Variants in CITED2 observed in about 807,000 individuals in gnomAD.
CITED2 encodes cbp/p300-interacting transactivator 2.
CITED2 carries 2 observed loss-of-function variants against 11.8 expected under a neutral mutation model. The observed-to-expected ratio is 0.17, with a 90% confidence interval of 0.07 to 0.54. The LOEUF (loss-of-function observed/expected upper bound fraction) is 0.54. Among genes scored for constraint, CITED2 ranks in the 20% least tolerant of loss-of-function variants. The pLI, the probability that CITED2 is intolerant of heterozygous loss-of-function variation, is 0.94. For synonymous variants in CITED2, 210 were observed against 153.0 expected (o/e 1.37, Z -2.75); for missense variants, 437 against 390.2 (o/e 1.12, Z -1.01).
In CITED2 at chr6:139,373,343, A is replaced by G; in HGVS notation, c.602T>C (p.Met201Thr). Reference protein sequence around the residue: ...NSGGGSGSGNMPASVAHVPAA... With the variant: ...NSGGGSGSGNTPASVAHVPAA... ...GGGGACGTGGGCCACGGAGGCGGGC[A>G]TGTTGCCGCTGCCGCTGCCGCCGCC... The change falls in exon 2 of 2, where the codon ATG (methionine) becomes ACG (threonine). Residue 201 changes from methionine to threonine, a missense_variant. Around this residue, in one of 3 missense-constraint regions of CITED2, gnomAD observed 396 missense variants for 325.2 expected, o/e 1.22. Transcript: ENST00000367651. 2 of 1,598,326 alleles carry G rather than the reference A, an allele frequency of 1.3e-6. No individual in the cohort carries two copies. The highest frequency in any genetic ancestry group is 1.7e-6 in the Non-Finnish European group (2 of 1,173,524).
chr6:139,374,358 C>A, intron 1 of CITED2, 55 bp downstream of exon 1: 1 of 564,892 alleles, frequency 1.8e-6, no homozygotes. Context: ...GCAAACCCTG[C>A]CCTCGGAGGA....
At position 139,373,801 on chromosome 6, in the gene CITED2, G is replaced by T. The variant is rs1267191292; in HGVS notation, c.144C>A (p.Phe48Leu). 10 of 1,609,786 alleles carry T rather than the reference G, an allele frequency of 6.2e-6. No individual in the cohort carries two copies. In the East Asian group the frequency reaches 1.8e-4, roughly 29 times the overall value. Residue 48 changes from phenylalanine (F) to leucine (L), a missense_variant, in exon 2 of 2, where the codon TTC becomes TTA. By Grantham distance (22) the Phe-to-Leu change is conservative (BLOSUM62 0). Around this residue, in one of 3 missense-constraint regions of CITED2, gnomAD observed 396 missense variants for 325.2 expected, o/e 1.22. Transcript: ENST00000367651. Reference sequence around the variant, plus strand: ...GTATGTGCTCGCCCATTAGGGCGTTGAAGGCGTGCTGGGGCTGCTGCTGCT... The same window carrying T: ...GTATGTGCTCGCCCATTAGGGCGTTTAAGGCGTGCTGGGGCTGCTGCTGCT... ...HHQQQQPQHA[F>L]NALMGEHIHY...
chr6:139,374,240 G>C lies in CITED2; in HGVS notation c.-9+173C>G, dbSNP rs1778330599. 4.3e-6 allele frequency: 6 copies of C among 1,395,080 alleles called. 1 individual carries two copies. In the South Asian group the frequency reaches 7.5e-5, roughly 17 times the overall value. The allele number at this position is 1,395,080 out of a possible 1,614,324, so 86.4% of individuals were successfully genotyped here. A position where few individuals can be genotyped will look rare whatever the true frequency, so the allele number is the denominator to read the frequency against. ...TCCCCGAAGTGGCCTAATAAAGGAA[G>C]TGCCCCGTAGCCCTGCTGCGAACTT... is the stretch of plus-strand genomic sequence containing the variant. On this transcript the variant is annotated intron_variant, in intron 1 of 1. Coordinates refer to ENST00000367651, the MANE Select transcript of CITED2 (RefSeq NM_006079.5).
At position 139,373,294 on chromosome 6, in the gene CITED2, G is replaced by T; in HGVS notation, c.651C>A (p.Val217=). The change falls in exon 2 of 2, where the codon GTC becomes GTA. Residue 217 remains valine, a synonymous_variant. Coordinates refer to ENST00000367651, the MANE Select transcript of CITED2 (RefSeq NM_006079.5). ...CCTCGTCGATGAAATCAGTGTCTAT[G>T]ACATTGGGCGGCAGCATTGCAGCGG... The part of the protein sequence containing the change: ...HVPAAMLPPN[V]IDTDFIDEEV... 1 of 1,613,842 alleles carries T rather than the reference G, an allele frequency of 6.2e-7. No homozygotes were observed. Among genetic ancestry groups the T allele is most frequent in the Non-Finnish European group, 8.5e-7 (1 of 1,180,030 alleles).
Position 139,373,840 on chromosome 6 carries a change from G to C in CITED2, c.105C>G (p.Ser35Arg). The stretch of plus-strand genomic sequence containing the variant: ...GCTGCTGCTGCTGGTGGTGATGGGG[G>C]CTCGGGAACTGCCCCATGCCCATGC... ...AHRMGMGQFPSPHHHQQQQPQ... is the reference protein window; with the variant it reads ...AHRMGMGQFPRPHHHQQQQPQ... The change falls in exon 2 of 2, where the codon AGC (serine) becomes AGG (arginine). Residue 35 changes from serine (S) to arginine (R), a missense_variant. By Grantham distance (110) the Ser-to-Arg change is moderately radical. Transcript: ENST00000367651. 1 of 1,606,146 alleles carries C rather than the reference G, an allele frequency of 6.2e-7. No individual in the cohort carries two copies.
chr6:139,372,638 A>C lies in CITED2; in HGVS notation c.*494T>G, dbSNP rs995042743. The C allele has an allele frequency of 4.9e-6, 1 of 204,276 alleles. No homozygotes were observed. The highest frequency in any genetic ancestry group is 1.0e-5 in the Non-Finnish European group (1 of 97,468). The allele number at this position is 204,276 out of a possible 1,614,324, so 12.7% of individuals were successfully genotyped here. ...ATATTTTAAAAATTAGTCTGTACTC[A>C]AATGCATAGTTAAAAAAATGAAGCG... On this transcript the variant is annotated 3_prime_UTR_variant, in exon 2 of 2. Coordinates refer to ENST00000367651, the MANE Select transcript of CITED2 (RefSeq NM_006079.5).
chr6:139,373,384 CGCGCCGCCGCCCGAGCTGCTGCCA>C lies in CITED2; in HGVS notation c.537_560del (p.Ser183_Ser190del), dbSNP rs1778295562. 1.3e-6 allele frequency: 2 copies of C among 1,572,654 alleles called. No homozygotes were observed. Among genetic ancestry groups the C allele is most frequent in the South Asian group, 1.1e-5 (1 of 87,020 alleles). ...TGCCGCCGCCGCTGTTGCTGCTGCC[CGCGCCGCCGCCCGAGCTGCTGCCA>C]GAGCCGCCGGGGGTGCTGCTGCCGC... On this transcript the variant is annotated inframe_deletion, in exon 2 of 2. Transcript: ENST00000367651.
rs750349164 is a variant in CITED2, at chr6:139,373,396, C to G, written c.549G>C (p.Ser183=). 2 of 1,565,134 alleles carry G rather than the reference C, an allele frequency of 1.3e-6. No homozygotes were observed. The highest frequency in any genetic ancestry group is 1.7e-6 in the Non-Finnish European group (2 of 1,158,866). ...SSTPGGSGSS[S]GGGAGSSNSG... is the part of the protein sequence containing the mutation. ...TGTTGCTGCTGCCCGCGCCGCCGCC[C>G]GAGCTGCTGCCAGAGCCGCCGGGGG... The change falls in exon 2 of 2, where the codon TCG becomes TCC. Residue 183 remains serine (S), a synonymous_variant. Transcript: ENST00000367651.
rs201764418 is a variant in CITED2, at chr6:139,373,404, T to C, written c.541A>G (p.Ser181Gly). The C allele has an allele frequency of 1.9e-6, 3 of 1,554,700 alleles. No individual in the cohort carries two copies. In the South Asian group the frequency reaches 3.6e-5, roughly 19 times the overall value. The change falls in exon 2 of 2, where the codon AGC becomes GGC. Residue 181 changes from serine (S) to glycine (G), a missense_variant. Physicochemically the swap from Ser to Gly is moderately conservative, Grantham distance 56 (BLOSUM62 0). Around this residue, in one of 3 missense-constraint regions of CITED2, gnomAD observed 396 missense variants for 325.2 expected, o/e 1.22. Transcript: ENST00000367651. ...GGSSTPGGSG[S>G]SSGGGAGSSN... ...CTGCCCGCGCCGCCGCCCGAGCTGCTGCCAGAGCCGCCGGGGGTGCTGCTG... is the reference window on the plus strand; with the variant it reads ...CTGCCCGCGCCGCCGCCCGAGCTGCCGCCAGAGCCGCCGGGGGTGCTGCTG...
In CITED2 at chr6:139,373,421, G is replaced by A. The variant is rs982547840; in HGVS notation, c.524C>T (p.Thr175Ile). ...STPGGSGGSS[T>I]PGGSGSSSGG... The stretch of plus-strand genomic sequence containing the variant: ...CGAGCTGCTGCCAGAGCCGCCGGGG[G>A]TGCTGCTGCCGCCCGAGCCGCCGGG... Residue 175 changes from threonine (T) to isoleucine (I), a missense_variant, in exon 2 of 2, where the codon ACC becomes ATC. Physicochemically the swap from Thr to Ile is moderately conservative, Grantham distance 89. This residue lies in a region of CITED2 where 396 missense variants were observed against 325.2 expected (regional missense o/e 1.22). Transcript: ENST00000367651. The A allele has an allele frequency of 6.5e-7, 1 of 1,530,330 alleles. No individual in the cohort carries two copies. Among genetic ancestry groups the A allele is most frequent in the South Asian group, 1.3e-5 (1 of 77,482 alleles). The allele number at this position is 1,530,330 out of a possible 1,614,324, so 94.8% of individuals were successfully genotyped here. A position where few individuals can be genotyped will look rare whatever the true frequency, so the allele number is the denominator to read the frequency against.
chr6:139,373,154 T>G lies in CITED2; in HGVS notation c.791A>C (p.Gln264Pro). 6.2e-7 allele frequency: 1 copy of G among 1,614,230 alleles called. No individual in the cohort carries two copies. The highest frequency in any genetic ancestry group is 8.5e-7 in the Non-Finnish European group (1 of 1,180,024). ...GAGTCAACAGCTCACTCTGCTGGGC[T>G]GCTGTTTGCACACGAAGTCCGTCAT... ...DFMTDFVCKQ[Q>P]PSRVSC The change falls in exon 2 of 2, where the codon CAG becomes CCG. Residue 264 changes from glutamine (Q) to proline (P), a missense_variant. This residue lies in a region of CITED2 where 21 missense variants were observed against 20.5 expected (regional missense o/e 1.03). Transcript: ENST00000367651.
chr6:139,373,811 T>C lies in CITED2; in HGVS notation c.134A>G (p.Gln45Arg), dbSNP rs1186351985. 1.2e-6 allele frequency: 2 copies of C among 1,608,980 alleles called. No individual in the cohort carries two copies. Residue 45 changes from glutamine to arginine, a missense_variant, in exon 2 of 2, where the codon CAG (glutamine) becomes CGG (arginine). This residue lies in a region of CITED2 where 396 missense variants were observed against 325.2 expected (regional missense o/e 1.22). Coordinates refer to ENST00000367651, the MANE Select transcript of CITED2 (RefSeq NM_006079.5). ...GCCCATTAGGGCGTTGAAGGCGTGCTGGGGCTGCTGCTGCTGGTGGTGATG... is the reference window on the plus strand; with the variant it reads ...GCCCATTAGGGCGTTGAAGGCGTGCCGGGGCTGCTGCTGCTGGTGGTGATG... Reference protein sequence around the residue: ...SPHHHQQQQPQHAFNALMGEH... With the variant: ...SPHHHQQQQPRHAFNALMGEH...
chr6:139,374,366 G>C (rs1299288152), intron 1 of CITED2, 47 bp downstream of exon 1: 1 of 544,398 alleles, frequency 1.8e-6, no homozygotes, highest in Non-Finnish European at 3.1e-6. Flanking sequence ...TGCCCTCGGA[G>C]GACTGGGCTG....
chr6:139,374,428 T>C lies in CITED2; in HGVS notation c.-24A>G, dbSNP rs1131399. The C allele has an allele frequency of 6.8e-5, 28 of 410,268 alleles. No homozygotes were observed. The highest frequency in any genetic ancestry group is 5.2e-4 in the African/African-American group (26 of 50,220). 25.4% of individuals were successfully genotyped at this position (410,268 alleles called of 1,614,324 possible). A position where few individuals can be genotyped will look rare whatever the true frequency, so the allele number is the denominator to read the frequency against. ...TCGCGCTTACCTTCCGTTTTTGCGA[T>C]TTCTGCTCCGAAGACCGAGGGCGGG... On this transcript the variant is annotated 5_prime_UTR_variant, in exon 1 of 2. Coordinates refer to ENST00000367651, the MANE Select transcript of CITED2 (RefSeq NM_006079.5).
At position 139,373,558 on chromosome 6, in the gene CITED2, G is replaced by A. The variant is rs774351501; in HGVS notation, c.387C>T (p.Tyr129=). Residue 129 remains tyrosine, a synonymous_variant, in exon 2 of 2, where the codon TAC becomes TAT. Transcript: ENST00000367651. The part of the protein sequence containing the change: ...LNNQYFNHHP[Y]PHNHYMPDLH... Reference sequence around the variant, plus strand: ...AATCCGGCATGTAGTGGTTGTGGGGGTAGGGGTGATGGTTGAAATACTGGT... The same window carrying A: ...AATCCGGCATGTAGTGGTTGTGGGGATAGGGGTGATGGTTGAAATACTGGT... 9.3e-6 allele frequency: 15 copies of A among 1,614,024 alleles called. No individual in the cohort carries two copies. Among genetic ancestry groups the A allele is most frequent in the Admixed American group, 5.0e-5 (3 of 60,012 alleles).
In CITED2 at chr6:139,372,326, AT is replaced by A. The variant is rs1203927913; in HGVS notation, c.*805del. On this transcript the variant is annotated 3_prime_UTR_variant, in exon 2 of 2. Transcript: ENST00000367651. ...AATTAACAAGTATTTTTTCAAAAAA[AT>A]GTTTTGTACAAAAATACTGTCAAAA... is the stretch of plus-strand genomic sequence containing the variant. 6.6e-6 allele frequency: 1 copy of A among 152,668 alleles called. No homozygotes were observed. The highest frequency in any genetic ancestry group is 2.4e-5 in the African/African-American group (1 of 41,462). The allele number at this position is 152,668 out of a possible 1,614,324, so 9.5% of individuals were successfully genotyped here.
Position 139,373,053 on chromosome 6 carries a change from T to C in CITED2, c.*79A>G, listed in dbSNP as rs907197671. 1 of 1,267,326 alleles carries C rather than the reference T, an allele frequency of 7.9e-7. No homozygotes were observed. Among genetic ancestry groups the C allele is most frequent in the African/African-American group, 1.5e-5 (1 of 68,238 alleles). The allele number at this position is 1,267,326 out of a possible 1,614,324, so 78.5% of individuals were successfully genotyped here. On this transcript the variant is annotated 3_prime_UTR_variant, in exon 2 of 2. Transcript: ENST00000367651. ...TTTCAAGATCTGAAAAGTGAGATAC[T>C]GTGTCTAAGGGAATGTTTCTTTTAA...
In CITED2 at chr6:139,372,325, AAT is replaced by A. The variant is rs1240082015; in HGVS notation, c.*805_*806del. On this transcript the variant is annotated 3_prime_UTR_variant, in exon 2 of 2. Transcript: ENST00000367651. ...AAATTAACAAGTATTTTTTCAAAAA[AAT>A]GTTTTGTACAAAAATACTGTCAAAA... 2.0e-5 allele frequency: 3 copies of A among 152,666 alleles called. No homozygotes were observed. Among genetic ancestry groups the A allele is most frequent in the African/African-American group, 4.8e-5 (2 of 41,470 alleles). The allele number at this position is 152,666 out of a possible 1,614,324, so 9.5% of individuals were successfully genotyped here.
rs1195739924 is a variant in CITED2 at position 139,374,223 on chromosome 6, G to A, written c.-9+190C>T. 7 of 1,429,624 alleles carry A rather than the reference G, an allele frequency of 4.9e-6. No individual in the cohort carries two copies. In the East Asian group the frequency reaches 1.0e-4, roughly 21 times the overall value. 88.6% of individuals were successfully genotyped at this position (1,429,624 alleles called of 1,614,324 possible). A position where few individuals can be genotyped will look rare whatever the true frequency, so the allele number is the denominator to read the frequency against. On this transcript the variant is annotated intron_variant, in intron 1 of 1. Coordinates refer to ENST00000367651, the MANE Select transcript of CITED2 (RefSeq NM_006079.5). ...GCCCACACCCCCTTTGCTCCCCGAA[G>A]TGGCCTAATAAAGGAAGTGCCCCGT...
Sources: gnomAD v4.1 joint callset for allele counts on GRCh38, gnomAD v4.1.1 for gene constraint, gnomAD v4.1.1 regional missense constraint, MANE v1.5 for transcripts, NCBI Gene and HGNC (gene_info 2026-07-23, HGNC 2026-07-21) for gene names.